Variants in NCOR2 observed in about 807,000 individuals in gnomAD.
NCOR2 encodes CTG repeat protein 26.
In NCOR2, 81 loss-of-function variants were observed where a neutral mutation model predicts 262.9. The observed-to-expected ratio is 0.31, with a 90% CI of 0.26 to 0.37. The LOEUF is 0.37. Among genes scored for constraint, NCOR2 ranks in the 10% least tolerant of loss-of-function variants. The pLI is 1.00. For missense variants in NCOR2, 3,385 were observed against 3,621.4 expected (o/e 0.93, Z 1.68); for synonymous variants, 1,659 against 1,559.3 (o/e 1.06, Z -1.51).
At chr12:124,469,511 G>C (rs74891675) in intron 4 of NCOR2, among the ~76,000 whole-genome samples, 8,405 of 152,230 alleles carry the variant, frequency 0.055, 501 homozygotes, top group African/African-American at 0.15. Context: ...AGCCAGGGAA[G>C]GTGGCCCTTC....
Position 124,346,855 on chromosome 12 carries a change from C to A in NCOR2, c.4073-5G>T. 4 of 1,561,828 alleles carry A rather than the reference C, an allele frequency of 2.6e-6. No homozygotes were observed. The highest frequency in any genetic ancestry group is 1.9e-5 in the Admixed American group (1 of 53,904). ...CCACGTAGGACCGAGGGATCCCTGC[C>A]GGGCCGACAGCACTGACCCTCACGC... On this transcript the variant is annotated splice_region_variant and splice_polypyrimidine_tract_variant and intron_variant, in intron 30 of 46. Transcript: ENST00000405201.
In NCOR2 at chr12:124,342,965, C is replaced by CA. The variant is rs758890493; in HGVS notation, c.4936+39dup. ...CACTGATGAGGTCCGTGGCCCTGTT[C>CA]AGCACCACTGCAGGGTTCTGGGAGC... On this transcript the variant is annotated intron_variant, in intron 33 of 46. Coordinates refer to ENST00000405201, the Ensembl canonical transcript of NCOR2. The CA allele has an allele frequency of 1.6e-5, 26 of 1,602,428 alleles. No homozygotes were observed. The East Asian group carries it at 5.8e-4, about 36-fold the overall frequency.
At chr12:124,490,613 A>G (rs2048032459) in intron 1 of NCOR2, among the ~76,000 whole-genome samples, 1 of 150,894 alleles carries the variant, frequency 6.6e-6, no homozygotes, top group African/African-American at 2.5e-5. Flanking sequence ...GGGGCCATGA[A>G]GCTAATGGAG....
At chr12:124,500,461 CA>C (rs2048639672) in intron 1 of NCOR2, among the ~76,000 whole-genome samples, 1 of 152,242 alleles carries the variant, frequency 6.6e-6, no homozygotes, top group Non-Finnish European at 1.5e-5. Flanking sequence ...GTAAGGTTTC[CA>C]AATCCACAGC....
chr12:124,388,898 G>A lies in NCOR2; in HGVS notation c.1877-3011C>T. ...GGAGGGAGGGAGGGAGGGAGGGAGC[G>A]AGGGAGGGAGGGACGCGGCGGGCGG... On this transcript the variant is annotated intron_variant, in intron 16 of 46. Coordinates refer to ENST00000405201, the Ensembl canonical transcript of NCOR2. The A allele has an allele frequency of 3.9e-6, 3 of 777,154 alleles. 1 individual carries two copies. The highest frequency in any genetic ancestry group is 2.1e-4 in the East Asian group (2 of 9,558). 48.1% of individuals were successfully genotyped at this position (777,154 alleles called of 1,614,324 possible).
intron 42 of NCOR2, among the ~76,000 whole-genome samples, chr12:124,332,742 A>G (rs2135750904): frequency 6.6e-6 from 1 of 152,236 alleles, no homozygotes; most frequent in South Asian, 2.1e-4. Context: ...AGAGAGCCCC[A>G]AGGACTGAAA....
intron 1 of NCOR2, among the ~76,000 whole-genome samples, chr12:124,515,368 G>C (rs905811566): frequency 1.0e-5 from 1 of 98,180 alleles, no homozygotes; most frequent in African/African-American, 3.5e-5. Context: ...GTGAGACTCG[G>C]TTTCAAAAAA....
intron 1 of NCOR2, among the ~76,000 whole-genome samples, chr12:124,529,179 C>CAAAAAAAAAAAA (rs148397454): frequency 3.8e-5 from 2 of 52,174 alleles, no homozygotes; most frequent in Admixed American, 2.8e-4. Flanking sequence ...AACTCCGACT[C>CAAAAAAAAAAAA]AAAAAAAAAA....
intron 22 of NCOR2, 149 bp from the exon 25 acceptor site, chr12:124,356,931 T>C: frequency 1.0e-6 from 1 of 996,756 alleles, no homozygotes; most frequent in Non-Finnish European, 1.4e-6. Flanking sequence ...GCCCCCCAAG[T>C]CTGCCTGCCT....
chr12:124,363,905 G>A (rs935029736), intron 20 of NCOR2, 106 bp from the exon 23 acceptor site: 11 of 987,042 alleles, frequency 1.1e-5, no homozygotes, highest in Admixed American at 6.8e-5. Flanking sequence ...CCCTGGGGAC[G>A]AGGCTAAGGC....
chr12:124,557,521 C>A (rs955606809), intron 1 of NCOR2, among the ~76,000 whole-genome samples: 1 of 152,212 alleles, frequency 6.6e-6, no homozygotes, highest in African/African-American at 2.4e-5. Flanking sequence ...GCCCACCCTG[C>A]TCCAGGATGA....
upstream of NCOR2, chr12:124,537,817 G>C (rs964869202): frequency 6.6e-6 from 1 of 152,238 alleles, no homozygotes; most frequent in Admixed American, 6.5e-5. Context: ...CTCACAGGGG[G>C]ACAAGCCAGC....
At chr12:124,325,376 C>CGGGGGGGGG in exon 47 of NCOR2, 1 of 426,508 alleles carries the variant, frequency 2.3e-6, no homozygotes, top group Non-Finnish European at 3.4e-6. Flanking sequence ...GACCTGACAC[C>CGGGGGGGGG]GCCCCCCCCC....
intron 16 of NCOR2, among the ~76,000 whole-genome samples, chr12:124,388,445 G>C (rs1442596724): frequency 6.6e-6 from 1 of 152,156 alleles, no homozygotes; most frequent in African/African-American, 2.4e-5. Flanking sequence ...TGTGCACACA[G>C]CATCACAGAC....
chr12:124,469,472 A>G (rs1195796393), intron 4 of NCOR2, among the ~76,000 whole-genome samples: 1 of 152,172 alleles, frequency 6.6e-6, no homozygotes, highest in Non-Finnish European at 1.5e-5. Flanking sequence ...CACAGCCCCG[A>G]AAGGGTGGGC....
intron 1 of NCOR2, among the ~76,000 whole-genome samples, chr12:124,543,573 C>A (rs1594044952): frequency 1.3e-5 from 2 of 152,372 alleles, no homozygotes; most frequent in Non-Finnish European, 1.5e-5. Flanking sequence ...AGGGACTAGG[C>A]TTCCCAGAAA....
chr12:124,344,598 C>T (rs913597849), exon 32 of NCOR2: 43 of 1,450,754 alleles, frequency 3.0e-5, no homozygotes, highest in Middle Eastern at 2.2e-4. Flanking sequence ...CCCACTCACC[C>T]TCCTGCAGGC....
At chr12:124,348,181 G>C (rs551561067) in exon 29 of NCOR2, 1 of 1,611,118 alleles carries the variant, frequency 6.2e-7, no homozygotes, top group Admixed American at 1.7e-5. Flanking sequence ...CACCTTCGAT[G>C]CTGGCTGAGG....
At chr12:124,507,082 G>A (rs1019734648) in intron 1 of NCOR2, among the ~76,000 whole-genome samples, 2 of 152,194 alleles carry the variant, frequency 1.3e-5, no homozygotes, top group Admixed American at 1.3e-4. Context: ...TATGCTGAGT[G>A]ACAGAAGCCA....
Sources: gnomAD v4.1 joint callset for allele counts (sites outside exome capture counted in the v4.1 genomes callset) on GRCh38, gnomAD v4.1.1 for gene constraint, MANE v1.5 for transcripts, NCBI Gene and HGNC (gene_info 2026-07-23, HGNC 2026-07-21) for gene names.